The following NMT2 variants were observed in gnomAD, a reference collection of about 807,000 sequenced individuals.
The protein encoded by NMT2 is glycylpeptide N-tetradecanoyltransferase 2.
NMT2 carries 35 observed loss-of-function variants against 65.4 expected under a neutral mutation model. The observed-to-expected ratio is 0.54, with a 90% CI of 0.41 to 0.71. The LOEUF is 0.71. Ranked by LOEUF, NMT2 falls within the 30% of genes least tolerant of loss-of-function variation. The pLI is 0.00. For missense variants in NMT2, 489 were observed against 611.3 expected (o/e 0.80, Z 2.11); for synonymous variants, 226 against 231.8 (o/e 0.98, Z 0.23).
intron 8 of NMT2, among the ~76,000 whole-genome samples, chr10:15,125,859 G>C (rs1846056688): frequency 6.6e-6 from 1 of 152,010 alleles, no homozygotes; most frequent in Non-Finnish European, 1.5e-5. Context: ...TAGAGATGGG[G>C]TTTCACCATG....
At chr10:15,166,925 C>A (rs1219695250) in intron 1 of NMT2, among the ~76,000 whole-genome samples, 1 of 152,064 alleles carries the variant, frequency 6.6e-6, no homozygotes, top group African/African-American at 2.4e-5. Context: ...AAGCCCCCAA[C>A]CTAGAATATC....
At position 15,114,457 on chromosome 10, in the gene NMT2, C is replaced by G. The variant is rs115062732; in HGVS notation, c.1171-1494G>C. On this transcript the variant is annotated intron_variant, in intron 9 of 11. Transcript: ENST00000378165. ...AAGACTGATAAAAAACAAAACAAAA[C>G]AAAACAAAACAAAAAAACCCCGCTC... 2.5e-3 allele frequency among the ~76,000 whole-genome samples: 383 copies of G among 152,184 alleles called. 2 individuals are homozygous for G. The highest frequency in any genetic ancestry group is 8.8e-3 in the African/African-American group (365 of 41,516).
chr10:15,114,133 C>G (rs1022903751), intron 9 of NMT2, among the ~76,000 whole-genome samples: 1 of 152,158 alleles, frequency 6.6e-6, no homozygotes, highest in Non-Finnish European at 1.5e-5. Flanking sequence ...CCCTACTGCT[C>G]TATATTAGCA....
At chr10:15,118,544 C>CA (rs1273939209) in intron 9 of NMT2, among the ~76,000 whole-genome samples, 1 of 149,438 alleles carries the variant, frequency 6.7e-6, no homozygotes, top group Non-Finnish European at 1.5e-5. Context: ...CATCTCAAAA[C>CA]AAACAAACAA....
At chr10:15,124,722 C>T (rs45500592) in intron 8 of NMT2, among the ~76,000 whole-genome samples, 8 of 152,240 alleles carry the variant, frequency 5.3e-5, no homozygotes, top group East Asian at 1.9e-4. Flanking sequence ...AAGGGGCATC[C>T]GGTGTATGCA....
intron 1 of NMT2, among the ~76,000 whole-genome samples, chr10:15,159,851 G>A (rs1166563023): frequency 1.3e-5 from 2 of 152,228 alleles, no homozygotes; most frequent in African/African-American, 4.8e-5. Context: ...GCCACAGCTT[G>A]GGGCAGGAGA....
At chr10:15,140,492 AC>A (rs1453618341) in intron 2 of NMT2, among the ~76,000 whole-genome samples, 1 of 149,420 alleles carries the variant, frequency 6.7e-6, no homozygotes, top group African/African-American at 2.5e-5. Context: ...TTCTAATTCT[AC>A]CCCTTTTCTT....
intron 9 of NMT2, among the ~76,000 whole-genome samples, chr10:15,114,038 T>C (rs1342581875): frequency 6.6e-6 from 1 of 152,186 alleles, no homozygotes. Flanking sequence ...TCCAGAAGGA[T>C]GTATGCTTTG....
intron 1 of NMT2, among the ~76,000 whole-genome samples, chr10:15,166,270 G>A (rs1453541751): frequency 6.6e-6 from 1 of 152,172 alleles, no homozygotes; most frequent in Non-Finnish European, 1.5e-5. Flanking sequence ...TTACCTCTCT[G>A]CACTGGCCGC....
chr10:15,163,653 T>C (rs1318604207), intron 1 of NMT2, among the ~76,000 whole-genome samples: 1 of 152,246 alleles, frequency 6.6e-6, no homozygotes, highest in Non-Finnish European at 1.5e-5. Context: ...ATAATGTTTC[T>C]GCATTTTCCC....
intron 6 of NMT2, among the ~76,000 whole-genome samples, chr10:15,132,411 T>C (rs1846316555): frequency 6.6e-6 from 1 of 152,082 alleles, no homozygotes; most frequent in Non-Finnish European, 1.5e-5. Flanking sequence ...ACAGCTTGCA[T>C]TCAGTCATTT....
intron 7 of NMT2, among the ~76,000 whole-genome samples, 161 bp downstream of exon 7, chr10:15,129,981 A>C (rs1289810525): frequency 2.6e-5 from 4 of 151,562 alleles, no homozygotes; most frequent in Non-Finnish European, 5.9e-5. Flanking sequence ...TTTTTTAATC[A>C]CCAAGTGGCA....
At chr10:15,125,241 G>A (rs983992691) in intron 8 of NMT2, among the ~76,000 whole-genome samples, 1 of 152,186 alleles carries the variant, frequency 6.6e-6, no homozygotes, top group South Asian at 2.1e-4. Flanking sequence ...TTCAATTTAT[G>A]GGTGGGGGAA....
rs1846224603 is a variant in NMT2, at chr10:15,130,122, T to A, written c.890+20A>T. ...TTTTTGATAAAGGGAGGACCTGAGG[T>A]AGAAATATGGTACTGGTACCTGCAT... On this transcript the variant is annotated intron_variant, in intron 7 of 11. Transcript: ENST00000378165. 1 of 1,435,148 alleles carries A rather than the reference T, an allele frequency of 7.0e-7. No individual in the cohort carries two copies. Among genetic ancestry groups the A allele is most frequent in the Non-Finnish European group, 9.2e-7 (1 of 1,085,292 alleles). 88.9% of individuals were successfully genotyped at this position (1,435,148 alleles called of 1,614,324 possible).
chr10:15,161,081 C>CAAAAAAAAAAAAACAA (rs1833173929), intron 1 of NMT2, among the ~76,000 whole-genome samples: 1 of 19,274 alleles, frequency 5.2e-5, no homozygotes, highest in Non-Finnish European at 9.0e-5. Flanking sequence ...CCTCAAAAAT[C>CAAAAAAAAAAAAACAA]AAAAAAAAAA....
At chr10:15,151,856 C>G (rs1832816509) in intron 1 of NMT2, among the ~76,000 whole-genome samples, 1 of 152,056 alleles carries the variant, frequency 6.6e-6, no homozygotes, top group African/African-American at 2.4e-5. Context: ...GAAACCCCGT[C>G]TCTACCAAAA....
intron 1 of NMT2, among the ~76,000 whole-genome samples, chr10:15,144,422 G>A (rs559837482): frequency 1.3e-5 from 2 of 152,072 alleles, no homozygotes; most frequent in African/African-American, 2.4e-5. Context: ...TACCCATGAG[G>A]ATAATTATAA....
chr10:15,135,777 G>GT (rs1312946605), intron 2 of NMT2, among the ~76,000 whole-genome samples: 4 of 152,108 alleles, frequency 2.6e-5, no homozygotes, highest in African/African-American at 9.7e-5. Context: ...ACGAGCCTTG[G>GT]GTGGGGGGCA....
In NMT2 at chr10:15,107,145, TA is replaced by T. The variant is rs1845332869; in HGVS notation, c.*2049del. 6.7e-6 allele frequency among the ~76,000 whole-genome samples: 1 copy of T among 149,224 alleles called. No homozygotes were observed. The highest frequency in any genetic ancestry group is 1.5e-5 in the Non-Finnish European group (1 of 67,410). On this transcript the variant is annotated 3_prime_UTR_variant, in exon 12 of 12. Transcript: ENST00000378165. ...AAAAAAAAGTATGGCTATGTTCCAA[TA>T]AAACCTTATTGAGGGACACCGGAAT...
Sources: allele counts gnomAD v4.1 joint callset (sites outside exome capture counted in the v4.1 genomes callset), GRCh38; gene constraint gnomAD v4.1.1; transcripts MANE v1.5; gene names NCBI Gene and HGNC (gene_info 2026-07-23, HGNC 2026-07-21).